OPCML: variants seen among roughly 807,000 people sequenced by gnomAD.
OPCML encodes the protein opioid-binding protein/cell adhesion molecule.
OPCML carries 13 observed loss-of-function variants against 37.8 expected under a neutral mutation model. That is an observed-to-expected ratio of 0.34 (90% CI 0.22 to 0.55). OPCML has a LOEUF of 0.55. Ranked by LOEUF, OPCML falls within the 20% of genes least tolerant of loss-of-function variation. OPCML has a pLI of 0.91. For missense variants in OPCML, 341 were observed against 435.6 expected, an observed-to-expected ratio of 0.78 and a Z score of 1.93; for synonymous variants, 176 against 168.8, an observed-to-expected ratio of 1.04 and a Z score of -0.33.
intron 1 of OPCML, among the ~76,000 whole-genome samples, chr11:133,377,153 C>T (rs538434896): frequency 1.3e-5 from 2 of 152,250 alleles, no homozygotes; most frequent in African/African-American, 4.8e-5. Context: ...AACAGGTTGA[C>T]GTGCTGCCTG....
chr11:132,712,717 G>A (rs1404942128), intron 2 of OPCML, among the ~76,000 whole-genome samples: 1 of 152,090 alleles, frequency 6.6e-6, no homozygotes, highest in Non-Finnish European at 1.5e-5. Context: ...GCATGAAATC[G>A]GACCCACCAA....
At chr11:132,812,307 A>G (rs1939393513) in intron 2 of OPCML, among the ~76,000 whole-genome samples, 1 of 152,190 alleles carries the variant, frequency 6.6e-6, no homozygotes, top group Admixed American at 6.5e-5. Context: ...CTGAAAGGTG[A>G]ACCTGAGCAA....
chr11:132,670,508 C>T (rs1942426422), intron 2 of OPCML, among the ~76,000 whole-genome samples: 1 of 151,904 alleles, frequency 6.6e-6, no homozygotes. Context: ...TTTATGGAAC[C>T]AAAAAATATA....
chr11:133,024,789 T>C lies in OPCML; in HGVS notation c.62-81779A>G, dbSNP rs539819124. On this transcript the variant is annotated intron_variant, in intron 1 of 7. Coordinates refer to ENST00000524381, the MANE Select transcript of OPCML (RefSeq NM_001012393.5). ...TTTGTGGAAGACTTGGAGTGTAAAA[T>C]GACTCTCCCAGGACTCAGTTCTATC... The C allele has an allele frequency of 4.1e-6, 4 of 985,142 alleles. No individual in the cohort carries two copies. The South Asian group carries it at 1.4e-4, about 35-fold the overall frequency. The allele number at this position is 985,142 out of a possible 1,614,324, so 61.0% of individuals were successfully genotyped here. A position where few individuals can be genotyped will look rare whatever the true frequency, so the allele number is the denominator to read the frequency against.
chr11:132,822,252 A>ACGCTCCCTCTCCCACCTCCCCC (rs1940039053), intron 2 of OPCML, among the ~76,000 whole-genome samples: 1 of 148,820 alleles, frequency 6.7e-6, no homozygotes, highest in African/African-American at 2.5e-5. Flanking sequence ...GGCCCTCCTC[A>ACGCTCCCTCTCCCACCTCCCCC]CTCTCCCTCT....
chr11:132,786,054 C>A (rs1463137876), intron 2 of OPCML, among the ~76,000 whole-genome samples: 2 of 152,214 alleles, frequency 1.3e-5, no homozygotes, highest in East Asian at 3.9e-4. Flanking sequence ...TTCTCTTTAC[C>A]CATACCCATC....
rs1039334776 is a variant in OPCML, at chr11:132,419,440, T to C, written c.*753A>G. The stretch of plus-strand genomic sequence containing the variant: ...GCCACCTATCAATCACGTTTATGAG[T>C]TGAACTTCTCTTTTTAAAATAGAGG... On this transcript the variant is annotated 3_prime_UTR_variant, in exon 8 of 8. Coordinates refer to ENST00000524381, the MANE Select transcript of OPCML (RefSeq NM_001012393.5). 2 of 152,188 alleles carry C rather than the reference T, an allele frequency of 1.3e-5. No homozygotes were observed. Among genetic ancestry groups the C allele is most frequent in the African/African-American group, 4.8e-5 (2 of 41,440 alleles). The allele number at this position is 152,188 out of a possible 1,614,324, so 9.4% of individuals were successfully genotyped here.
rs1414727922 is a variant in OPCML, at chr11:133,205,804, A to G, written c.62-262794T>C. Among the ~76,000 whole-genome samples, 1 of 152,198 alleles carries G rather than the reference A, an allele frequency of 6.6e-6. No homozygotes were observed. The highest frequency in any genetic ancestry group is 6.5e-5 in the Admixed American group (1 of 15,274). On this transcript the variant is annotated intron_variant, in intron 1 of 7. Coordinates refer to ENST00000524381, the MANE Select transcript of OPCML (RefSeq NM_001012393.5). The surrounding 1 kb of genome is among the most constrained non-coding windows in gnomAD (Gnocchi z 4.8). ...GATATTTTGTGCTTATAAAATTAGG[A>G]AGAGTAAAGCGCGGTGTGAATGAGC...
intron 1 of OPCML, chr11:133,006,317 T>A (rs954349277): frequency 1.2e-4 from 74 of 595,224 alleles, no homozygotes; most frequent in Non-Finnish European, 1.5e-4. Flanking sequence ...TTTTTCTTCC[T>A]TTTCACCCAA....
intron 1 of OPCML, among the ~76,000 whole-genome samples, chr11:132,988,466 A>G (rs1212906203): frequency 6.6e-6 from 1 of 152,236 alleles, no homozygotes; most frequent in Non-Finnish European, 1.5e-5. Flanking sequence ...TTGGAAAAAT[A>G]TAGTCCACTT....
rs557591602 is a variant in OPCML, at chr11:132,517,321, G to A, written c.505+11740C>T. Among the ~76,000 whole-genome samples the A allele has an allele frequency of 4.6e-5, 7 of 152,250 alleles. 1 individual carries two copies. The highest frequency in any genetic ancestry group is 3.3e-4 in the Admixed American group (5 of 15,280). ...ATGGCTTTGAAAAGGGAACACCAAGGGTGGTAGGTGCACAGAGCTGGACCC... is the reference window on the plus strand; with the variant it reads ...ATGGCTTTGAAAAGGGAACACCAAGAGTGGTAGGTGCACAGAGCTGGACCC... On this transcript the variant is annotated intron_variant, in intron 4 of 7. Transcript: ENST00000524381.
At chr11:133,467,321 C>T (rs548482728) in intron 1 of OPCML, among the ~76,000 whole-genome samples, 1 of 152,230 alleles carries the variant, frequency 6.6e-6, no homozygotes, top group East Asian at 1.9e-4. Context: ...TCCTAGGCAC[C>T]CTTAGAGCTG....
intron 3 of OPCML, among the ~76,000 whole-genome samples, chr11:132,597,419 C>T (rs1442973972): frequency 6.6e-6 from 1 of 152,138 alleles, no homozygotes; most frequent in Non-Finnish European, 1.5e-5. Flanking sequence ...CTGCTTGCCC[C>T]GTGATGATTC....
At chr11:132,780,932 T>A (rs1316918522) in intron 2 of OPCML, among the ~76,000 whole-genome samples, 1 of 152,230 alleles carries the variant, frequency 6.6e-6, no homozygotes, top group African/African-American at 2.4e-5. Context: ...CAAGTTATTT[T>A]AAAAATATTG....
At chr11:132,450,012 G>T (rs548954801) in intron 4 of OPCML, among the ~76,000 whole-genome samples, 10 of 152,236 alleles carry the variant, frequency 6.6e-5, no homozygotes, top group Non-Finnish European at 1.0e-4. Flanking sequence ...AGAAACCTGC[G>T]CTGGCTCTGG....
chr11:133,082,757 G>A (rs894455178), intron 1 of OPCML, among the ~76,000 whole-genome samples: 24 of 146,096 alleles, frequency 1.6e-4, no homozygotes, highest in African/African-American at 5.5e-4. Context: ...CCGCCGCTGC[G>A]GACCCCATGC....
intron 4 of OPCML, among the ~76,000 whole-genome samples, chr11:132,498,509 C>G (rs1592269349): frequency 6.6e-6 from 1 of 152,216 alleles, no homozygotes; most frequent in African/African-American, 2.4e-5. Context: ...AAGAATCATA[C>G]AACTTTTGAA....
intron 1 of OPCML, among the ~76,000 whole-genome samples, chr11:133,308,551 C>T (rs570936773): frequency 1.3e-5 from 2 of 152,034 alleles, no homozygotes; most frequent in South Asian, 4.2e-4. Flanking sequence ...AAAGGTAGAA[C>T]AATAGATAGA....
chr11:132,659,851 G>C (rs1198008723), intron 2 of OPCML, among the ~76,000 whole-genome samples: 1 of 151,914 alleles, frequency 6.6e-6, no homozygotes, highest in Non-Finnish European at 1.5e-5. Context: ...TTTTTAAACT[G>C]GAACTTGTTT....
Sources: allele counts gnomAD v4.1 joint callset (sites outside exome capture counted in the v4.1 genomes callset), GRCh38; gene constraint gnomAD v4.1.1; non-coding constraint Gnocchi (gnomAD v3.1); transcripts MANE v1.5; gene names NCBI Gene and HGNC (gene_info 2026-07-23, HGNC 2026-07-21).